The following POU6F2 variants were observed in gnomAD, a reference collection of about 807,000 sequenced individuals.
The protein encoded by POU6F2 is POU domain, class 6, transcription factor 2.
In POU6F2, 31 loss-of-function variants were observed where a neutral mutation model predicts 71.3. The ratio of observed to expected loss-of-function variants is 0.43; its 90% CI spans 0.33 to 0.59. The LOEUF (loss-of-function observed/expected upper bound fraction) is 0.59, where lower values mean the gene tolerates loss of function less well. Among genes scored for constraint, POU6F2 ranks in the 20% least tolerant of loss-of-function variants. The pLI is 0.04. For synonymous variants in POU6F2, 347 were observed against 355.7 expected (o/e 0.98, Z 0.27); for missense variants, 783 against 856.8 (o/e 0.91, Z 1.07).
intron 5 of POU6F2, among the ~76,000 whole-genome samples, chr7:39,389,759 AATTAT>A (rs1787025992): frequency 6.6e-6 from 1 of 152,228 alleles, no homozygotes; most frequent in South Asian, 2.1e-4. Context: ...TGTGTTTAAC[AATTAT>A]ATTAAGGCAC....
intron 4 of POU6F2, 73 bp downstream of exon 4, chr7:39,207,693 A>G (rs2128745999): frequency 7.2e-7 from 1 of 1,396,876 alleles, no homozygotes. Context: ...GGCAAAAAAA[A>G]ATGTGCCTAG....
chr7:39,106,417 TG>T (rs1175470575), intron 2 of POU6F2, among the ~76,000 whole-genome samples: 2 of 152,256 alleles, frequency 1.3e-5, no homozygotes, highest in African/African-American at 4.8e-5. Context: ...ATAACTGTGC[TG>T]TAATAATCTA....
At chr7:39,423,481 G>A (rs944737230) in intron 6 of POU6F2, among the ~76,000 whole-genome samples, 1 of 152,096 alleles carries the variant, frequency 6.6e-6, no homozygotes, top group Admixed American at 6.5e-5. Context: ...TGCTGAGTGA[G>A]TGAGTGAGTG....
chr7:39,359,053 A>G (rs779997739), intron 5 of POU6F2, among the ~76,000 whole-genome samples: 9 of 152,128 alleles, frequency 5.9e-5, no homozygotes, highest in Non-Finnish European at 1.3e-4. Context: ...CATGCCTAAT[A>G]TGGAACCTAG....
intron 4 of POU6F2, among the ~76,000 whole-genome samples, chr7:39,313,919 C>T (rs563002236): frequency 4.6e-5 from 7 of 152,192 alleles, no homozygotes; most frequent in African/African-American, 1.2e-4. Flanking sequence ...AAAAAGATGC[C>T]GGATGTTTGC....
chr7:39,260,084 C>G (rs534426563), intron 4 of POU6F2, among the ~76,000 whole-genome samples: 27 of 151,328 alleles, frequency 1.8e-4, no homozygotes, highest in Non-Finnish European at 3.5e-4. Context: ...ATACACACAC[C>G]ACACGCATTC....
In POU6F2 at chr7:39,339,880, G is replaced by T; in HGVS notation, c.837G>T (p.Gln279His). Residue 279 changes from glutamine (Q) to histidine (H), a missense_variant, in exon 5 of 10, where the codon CAG (glutamine) becomes CAT (histidine). Gln to His is a conservative substitution (Grantham distance 24). This residue lies in a region of POU6F2 where 572 missense variants were observed against 572.9 expected (regional missense o/e 1.00). Coordinates refer to ENST00000518318, the MANE Select transcript of POU6F2 (RefSeq NM_001370959.1). Reference sequence around the variant, plus strand: ...TGCAACAGGCGCCTCAGCCCCAGCAGCACCAACCCCACTCCCACTCCCAGA... The same window carrying T: ...TGCAACAGGCGCCTCAGCCCCAGCATCACCAACCCCACTCCCACTCCCAGA... ...SQLQQAPQPQ[Q>H]HQPHSHSQNQ... The T allele has an allele frequency of 6.2e-7, 1 of 1,613,242 alleles. No individual in the cohort carries two copies. Among genetic ancestry groups the T allele is most frequent in the South Asian group, 1.1e-5 (1 of 91,000 alleles).
At chr7:39,158,338 A>G (rs1218603260) in intron 2 of POU6F2, among the ~76,000 whole-genome samples, 4 of 152,208 alleles carry the variant, frequency 2.6e-5, no homozygotes, top group African/African-American at 4.8e-5. Context: ...GATTTTGCAA[A>G]ATTTCTAGAC....
At chr7:39,345,259 T>TC (rs1786007533) in intron 5 of POU6F2, among the ~76,000 whole-genome samples, 2 of 149,602 alleles carry the variant, frequency 1.3e-5, no homozygotes, top group Non-Finnish European at 3.0e-5. Flanking sequence ...TAAATTTGGT[T>TC]CCTGAAATGA....
chr7:39,452,263 G>C (rs1277235106), intron 8 of POU6F2, among the ~76,000 whole-genome samples: 2 of 152,148 alleles, frequency 1.3e-5, no homozygotes, highest in African/African-American at 4.8e-5. Context: ...CATAAAATAG[G>C]ATAAGCCTGC....
chr7:39,003,017 G>T (rs1056787632), intron 1 of POU6F2, among the ~76,000 whole-genome samples: 1 of 152,208 alleles, frequency 6.6e-6, no homozygotes, highest in Non-Finnish European at 1.5e-5. Context: ...ACACAATTTA[G>T]TTATCTTCGT....
intron 4 of POU6F2, among the ~76,000 whole-genome samples, chr7:39,318,146 G>A (rs1785310339): frequency 6.6e-6 from 1 of 152,142 alleles, no homozygotes; most frequent in African/African-American, 2.4e-5. Context: ...TTACAGGCCA[G>A]CTACATATGC....
At chr7:39,154,931 A>G (rs982143371) in intron 2 of POU6F2, among the ~76,000 whole-genome samples, 2 of 152,114 alleles carry the variant, frequency 1.3e-5, no homozygotes, top group Non-Finnish European at 2.9e-5. Flanking sequence ...TTCAACTGAT[A>G]CTATGTGCTG....
At chr7:39,275,258 C>CA (rs199557429) in intron 4 of POU6F2, among the ~76,000 whole-genome samples, 10,522 of 152,214 alleles carry the variant, frequency 0.069, 500 homozygotes, top group Non-Finnish European at 0.1. Flanking sequence ...ACACCAATAA[C>CA]AGACAAACAG....
At chr7:39,419,673 C>G (rs1294195549) in intron 6 of POU6F2, among the ~76,000 whole-genome samples, 1 of 152,122 alleles carries the variant, frequency 6.6e-6, no homozygotes, top group Non-Finnish European at 1.5e-5. Flanking sequence ...TAACAGCTAA[C>G]ATTTTGGGGT....
chr7:39,110,445 C>T (rs982926210), intron 2 of POU6F2, among the ~76,000 whole-genome samples: 5 of 152,036 alleles, frequency 3.3e-5, no homozygotes, highest in African/African-American at 1.2e-4. Context: ...AGGAATACTA[C>T]ATAATGATGT....
At chr7:39,255,562 G>A (rs140564680) in intron 4 of POU6F2, among the ~76,000 whole-genome samples, 1 of 152,136 alleles carries the variant, frequency 6.6e-6, no homozygotes, top group South Asian at 2.1e-4. Context: ...TTAATATTTC[G>A]GGAAATGGAG....
Position 39,460,460 on chromosome 7 carries a change from G to C in POU6F2, c.1490-87G>C, listed in dbSNP as rs775118150. On this transcript the variant is annotated intron_variant, in intron 8 of 9. Transcript: ENST00000518318. The surrounding 1 kb of genome is among the most constrained non-coding windows in gnomAD (Gnocchi z 4.4). ...TTCCTCACTGCTCTGCTGTTAAAGA[G>C]AGCCACTTTCTTATAAACCGTAATA... is the stretch of plus-strand genomic sequence containing the variant. The C allele has an allele frequency of 4.7e-6, 7 of 1,475,504 alleles. No homozygotes were observed. Among genetic ancestry groups the C allele is most frequent in the Non-Finnish European group, 6.5e-6 (7 of 1,080,680 alleles). 91.4% of individuals were successfully genotyped at this position (1,475,504 alleles called of 1,614,324 possible).
intron 4 of POU6F2, among the ~76,000 whole-genome samples, chr7:39,245,742 A>G (rs1477831014): frequency 6.6e-6 from 1 of 152,194 alleles, no homozygotes; most frequent in Non-Finnish European, 1.5e-5. Context: ...ATGGGACTGC[A>G]CATAGTTCCA....
Sources: gnomAD v4.1 joint callset for allele counts (sites outside exome capture counted in the v4.1 genomes callset) on GRCh38, gnomAD v4.1.1 for gene constraint, gnomAD v4.1.1 regional missense constraint, Gnocchi (gnomAD v3.1) non-coding constraint, MANE v1.5 for transcripts, NCBI Gene and HGNC (gene_info 2026-07-23, HGNC 2026-07-21) for gene names.